Variants in ARFGAP1 observed in about 807,000 individuals in gnomAD.
ARFGAP1 encodes ADP-ribosylation factor GTPase-activating protein 1.
Under a neutral mutation model 54.0 loss-of-function variants are expected in ARFGAP1, and 26 were observed. That is an observed-to-expected ratio of 0.48 (90% CI 0.35 to 0.67). The LOEUF (loss-of-function observed/expected upper bound fraction) is 0.67. Among genes scored for constraint, ARFGAP1 ranks in the 30% least tolerant of loss-of-function variants. ARFGAP1 has a pLI of 0.00. For synonymous variants in ARFGAP1, 248 were observed against 211.9 expected (o/e 1.17, Z -1.48); for missense variants, 525 against 535.8 (o/e 0.98, Z 0.20).
rs1421901393 is a variant in ARFGAP1 at position 63,283,127 on chromosome 20, T to C, written c.717+276T>C. On this transcript the variant is annotated intron_variant, in intron 9 of 12. Coordinates refer to ENST00000370283, the MANE Select transcript of ARFGAP1 (RefSeq NM_018209.4). The stretch of plus-strand genomic sequence containing the variant: ...GTGGCCACTGCAGCCGGCCACCTTG[T>C]TGGGAGCAGGACTGCCCGGCTTGGC... The C allele has an allele frequency of 9.5e-6, 5 of 527,890 alleles. No homozygotes were observed. The East Asian group carries it at 1.6e-4, about 17-fold the overall frequency. The allele number at this position is 527,890 out of a possible 1,614,324, so 32.7% of individuals were successfully genotyped here.
chr20:63,281,908 G>A (rs932201160), intron 8 of ARFGAP1, among the ~76,000 whole-genome samples: 1 of 152,162 alleles, frequency 6.6e-6, no homozygotes, highest in African/African-American at 2.4e-5. Flanking sequence ...GCAGGGCAGC[G>A]CGGGGCAGCT....
At chr20:63,285,407 C>T in intron 10 of ARFGAP1, 1 of 579,546 alleles carries the variant, frequency 1.7e-6, no homozygotes, top group Non-Finnish European at 3.1e-6. Flanking sequence ...GTCCTTAGGT[C>T]ACGTTGCTAT....
chr20:63,279,367 G>C, intron 7 of ARFGAP1: 1 of 364,634 alleles, frequency 2.7e-6, no homozygotes, highest in South Asian at 2.1e-5. Flanking sequence ...TATCACGTCA[G>C]GCTAATTTTT....
intron 5 of ARFGAP1, 92 bp downstream of exon 5, chr20:63,277,397 G>A (rs765812335): frequency 1.4e-5 from 15 of 1,104,228 alleles, no homozygotes; most frequent in Non-Finnish European, 1.7e-5. Context: ...CTTCTTTGCT[G>A]TTGTGACAGC....
intron 10 of ARFGAP1, 65 bp from the exon 11 acceptor site, chr20:63,285,589 A>G (rs1450549529): frequency 1.3e-6 from 2 of 1,546,238 alleles, no homozygotes; most frequent in African/African-American, 1.4e-5. Context: ...GGATTCCTGC[A>G]CTCCTGAAGC....
In ARFGAP1 at chr20:63,278,891, G is replaced by A. The variant is rs192875427; in HGVS notation, c.531-8G>A. The A allele has an allele frequency of 5.9e-4, 952 of 1,614,102 alleles. 6 individuals carry two copies. In the African/African-American group the frequency reaches 9.7e-3, roughly 16 times the overall value. On this transcript the variant is annotated splice_polypyrimidine_tract_variant and splice_region_variant and intron_variant, in intron 6 of 12. Transcript: ENST00000370283. ...GCATCTTCGGCCTCTTGTCCGCTTTGTTTTCAGGGCCCAGGGGAATCGCTA... is the reference window on the plus strand; with the variant it reads ...GCATCTTCGGCCTCTTGTCCGCTTTATTTTCAGGGCCCAGGGGAATCGCTA...
Position 63,278,988 on chromosome 20 carries a change from T to C in ARFGAP1, c.620T>C (p.Leu207Pro), listed in dbSNP as rs763849848. Residue 207 changes from leucine (L) to proline (P), a missense_variant, in exon 7 of 13, where the codon CTG becomes CCG. Physicochemically the swap from Leu to Pro is moderately conservative, Grantham distance 98 (BLOSUM62 -3). Transcript: ENST00000370283. ...DDFLNNAMSS[L>P]YSGWSSFTTG... ...TTCCTCAACAACGCCATGTCCTCCC[T>C]GTACTCGGTGAGGACTTGGCCCTGC... 6.2e-7 allele frequency: 1 copy of C among 1,613,860 alleles called. No individual in the cohort carries two copies. The highest frequency in any genetic ancestry group is 8.5e-7 in the Non-Finnish European group (1 of 1,179,922).
At chr20:63,275,476 C>G (rs1212855791) in intron 1 of ARFGAP1, 101 bp from the exon 2 acceptor site, 1 of 1,161,818 alleles carries the variant, frequency 8.6e-7, no homozygotes, top group African/African-American at 1.5e-5. Context: ...CAGATTGCCC[C>G]TCAGGTTTTC....
chr20:63,281,853 C>T (rs898704225), intron 8 of ARFGAP1, among the ~76,000 whole-genome samples: 1 of 152,168 alleles, frequency 6.6e-6, no homozygotes, highest in Non-Finnish European at 1.5e-5. Context: ...AGCATGGGCC[C>T]CCGGGGGCTG....
At chr20:63,283,667 G>A (rs2067445561) in intron 9 of ARFGAP1, 2 of 604,760 alleles carry the variant, frequency 3.3e-6, no homozygotes, top group Admixed American at 3.3e-5. Flanking sequence ...CGCTCGCGCA[G>A]TTTCTGAAGG....
At position 63,276,607 on chromosome 20, in the gene ARFGAP1, C is replaced by T; in HGVS notation, c.298C>T (p.Gln100Ter). Residue 100 changes from glutamine (Q) to a stop codon, truncating the protein, a stop_gained, in exon 4 of 13, where the codon CAG becomes TAG. Coordinates refer to ENST00000370283, the MANE Select transcript of ARFGAP1 (RefSeq NM_018209.4). LOFTEE classifies it high-confidence loss of function. The surrounding 1 kb of genome is among the most constrained non-coding windows in gnomAD (Gnocchi z 5.2). ...GGATTACGATCCTTGCTGGTCCTTG[C>T]AGGAGAAGTACAACAGCAGAGCCGC... is the stretch of plus-strand genomic sequence containing the variant. The part of the protein sequence containing the change: ...QEDYDPCWSL[Q>*]EKYNSRAAAL... 6.2e-7 allele frequency: 1 copy of T among 1,613,784 alleles called. No homozygotes were observed. The highest frequency in any genetic ancestry group is 8.5e-7 in the Non-Finnish European group (1 of 1,179,912).
At position 63,285,897 on chromosome 20, in the gene ARFGAP1, C is replaced by G. The variant is rs112244255; in HGVS notation, c.834+184C>G. On this transcript the variant is annotated intron_variant, in intron 11 of 12. Coordinates refer to ENST00000370283, the MANE Select transcript of ARFGAP1 (RefSeq NM_018209.4). ...CGAGGGATATGGAAACAACTTGGCC[C>G]ACTGCGGCCCGGTCAGCCACTAACT... 3.3e-4 allele frequency: 469 copies of G among 1,432,942 alleles called. 3 individuals are homozygous for G. In the African/African-American group the frequency reaches 5.2e-3, roughly 16 times the overall value. 88.8% of individuals were successfully genotyped at this position (1,432,942 alleles called of 1,614,324 possible).
At chr20:63,278,794 C>G in intron 6 of ARFGAP1, 105 bp from the exon 7 acceptor site, 2 of 999,968 alleles carry the variant, frequency 2.0e-6, no homozygotes, top group South Asian at 1.5e-5. Context: ...GGGACGTTGG[C>G]ACGTCCCCCA....
intron 9 of ARFGAP1, chr20:63,284,378 C>A: frequency 9.4e-7 from 1 of 1,068,084 alleles, no homozygotes; most frequent in Non-Finnish European, 1.1e-6. Context: ...CGTGTGGCCT[C>A]GACTCCACTG....
At chr20:63,273,818 G>A (rs572254108) in intron 1 of ARFGAP1, among the ~76,000 whole-genome samples, 2 of 152,296 alleles carry the variant, frequency 1.3e-5, no homozygotes, top group East Asian at 3.9e-4. Flanking sequence ...GATTGGTCTC[G>A]TCCTGCTTTG....
chr20:63,281,489 G>T lies in ARFGAP1; in HGVS notation c.684+142G>T, dbSNP rs564675778. On this transcript the variant is annotated intron_variant, in intron 8 of 12. Transcript: ENST00000370283. ...TGCTGTAACCATGGGCTGTGCCAAC[G>T]CAGTACCAGCCAGGGTGGTCCTGAG... is the stretch of plus-strand genomic sequence containing the variant. 26 of 1,046,654 alleles carry T rather than the reference G, an allele frequency of 2.5e-5. No individual in the cohort carries two copies. In the South Asian group the frequency reaches 3.9e-4, roughly 16 times the overall value. The allele number at this position is 1,046,654 out of a possible 1,614,324, so 64.8% of individuals were successfully genotyped here.
At chr20:63,275,140 C>T (rs1199174614) in intron 1 of ARFGAP1, among the ~76,000 whole-genome samples, 1 of 152,176 alleles carries the variant, frequency 6.6e-6, no homozygotes, top group Non-Finnish European at 1.5e-5. Context: ...CCTGGGCTCC[C>T]TGTCGTTGGC....
At chr20:63,275,490 T>G in intron 1 of ARFGAP1, 87 bp from the exon 2 acceptor site, 3 of 1,294,704 alleles carry the variant, frequency 2.3e-6, no homozygotes, top group Non-Finnish European at 3.3e-6. Flanking sequence ...GGTTTTCTGT[T>G]GTGTGGTGTT....
chr20:63,287,956 G>T lies in ARFGAP1; in HGVS notation c.*83G>T. 1 of 1,402,784 alleles carries T rather than the reference G, an allele frequency of 7.1e-7. No individual in the cohort carries two copies. Among genetic ancestry groups the T allele is most frequent in the South Asian group, 1.4e-5 (1 of 69,566 alleles). 86.9% of individuals were successfully genotyped at this position (1,402,784 alleles called of 1,614,324 possible). The stretch of plus-strand genomic sequence containing the variant: ...CTCGTCGTTCCTCCTCCTTCCATTT[G>T]ACCCAAGAATCAGCAACTGCAGTGT... On this transcript the variant is annotated 3_prime_UTR_variant, in exon 13 of 13. Coordinates refer to ENST00000370283, the MANE Select transcript of ARFGAP1 (RefSeq NM_018209.4).
Sources: gnomAD v4.1 joint callset for allele counts (sites outside exome capture counted in the v4.1 genomes callset) on GRCh38, gnomAD v4.1.1 for gene constraint, Gnocchi (gnomAD v3.1) non-coding constraint, MANE v1.5 for transcripts, NCBI Gene and HGNC (gene_info 2026-07-23, HGNC 2026-07-21) for gene names.